RELN: variants seen among roughly 807,000 people sequenced by gnomAD.
The protein encoded by RELN is reelin.
RELN carries 108 observed loss-of-function variants against 427.6 expected under a neutral mutation model. That is an observed-to-expected ratio of 0.25 (90% CI 0.22 to 0.30). The LOEUF is 0.30. RELN is among the 10% of genes least tolerant of loss of function. RELN has a pLI of 1.00. For synonymous variants in RELN, 1,524 were observed against 1,513.4 expected, an observed-to-expected ratio of 1.01 and a Z score of -0.16; for missense variants, 3,715 against 4,302.8, an observed-to-expected ratio of 0.86 and a Z score of 3.82.
chr7:103,707,397 T>C (rs1834227601), intron 8 of RELN, among the ~76,000 whole-genome samples: 1 of 152,200 alleles, frequency 6.6e-6, no homozygotes, highest in Admixed American at 6.5e-5. Flanking sequence ...TGAAAAGTGT[T>C]AACCTGATAT....
At chr7:103,661,623 C>G in intron 11 of RELN, 96 bp from the exon 12 acceptor site, 1 of 1,080,350 alleles carries the variant, frequency 9.3e-7, no homozygotes, top group Non-Finnish European at 1.4e-6. Flanking sequence ...CACTTACTTA[C>G]TTAGTAATGA....
At chr7:103,903,417 C>T (rs1052327972) in intron 2 of RELN, among the ~76,000 whole-genome samples, 3 of 151,948 alleles carry the variant, frequency 2.0e-5, no homozygotes, top group African/African-American at 7.3e-5. Flanking sequence ...AGAAAGTATC[C>T]CATGTAATGA....
chr7:103,912,038 A>T (rs1002698964), intron 2 of RELN, among the ~76,000 whole-genome samples: 13 of 152,182 alleles, frequency 8.5e-5, no homozygotes, highest in African/African-American at 3.1e-4. Flanking sequence ...TATTTTAAAG[A>T]TAGTGTTGAA....
chr7:103,764,628 G>A lies in RELN; in HGVS notation c.545-11414C>T, dbSNP rs973189041. Reference sequence around the variant, plus strand: ...TGAGGCGAGTGGATCATGAGATCAAGAGATTGAGACCATCCTGGCCAACAT... The same window carrying A: ...TGAGGCGAGTGGATCATGAGATCAAAAGATTGAGACCATCCTGGCCAACAT... On this transcript the variant is annotated intron_variant, in intron 4 of 64. Coordinates refer to ENST00000428762, the MANE Select transcript of RELN (RefSeq NM_005045.4). Among the ~76,000 whole-genome samples the A allele has an allele frequency of 3.6e-4, 54 of 151,936 alleles. 1 individual carries two copies. Among genetic ancestry groups the A allele is most frequent in the African/African-American group, 1.2e-3 (51 of 41,356 alleles).
chr7:103,807,211 C>T (rs993909777), intron 3 of RELN, among the ~76,000 whole-genome samples: 4 of 152,076 alleles, frequency 2.6e-5, no homozygotes, highest in Non-Finnish European at 5.9e-5. Context: ...TAAAAGCATA[C>T]ACCCAAAGAG....
At chr7:103,622,015 C>T (rs780273442) in intron 20 of RELN, among the ~76,000 whole-genome samples, 1 of 151,884 alleles carries the variant, frequency 6.6e-6, no homozygotes, top group Non-Finnish European at 1.5e-5. Context: ...GACTCTGTCT[C>T]AAAAAAATAA....
intron 10 of RELN, among the ~76,000 whole-genome samples, chr7:103,686,677 A>G (rs1448468603): frequency 2.0e-5 from 3 of 152,174 alleles, no homozygotes; most frequent in Non-Finnish European, 4.4e-5. Context: ...GCCATTGGAA[A>G]TTGACTAATT....
At chr7:103,478,943 A>G (rs1314420365) in intron 63 of RELN, among the ~76,000 whole-genome samples, 1 of 152,230 alleles carries the variant, frequency 6.6e-6, no homozygotes, top group African/African-American at 2.4e-5. Flanking sequence ...GGGGATGGTC[A>G]CGATGGAACT....
chr7:103,511,327 A>C (rs1829406601), intron 50 of RELN, among the ~76,000 whole-genome samples: 1 of 152,338 alleles, frequency 6.6e-6, no homozygotes, highest in South Asian at 2.1e-4. Context: ...CTTTTTAGAT[A>C]GCATATAAAG....
intron 46 of RELN, among the ~76,000 whole-genome samples, chr7:103,534,062 G>C (rs1408397695): frequency 6.6e-6 from 1 of 152,190 alleles, no homozygotes; most frequent in Admixed American, 6.5e-5. Context: ...AGCAGCCCTA[G>C]GCTGTTACTA....
chr7:103,886,247 G>C (rs1035585536), intron 2 of RELN, among the ~76,000 whole-genome samples: 2 of 152,160 alleles, frequency 1.3e-5, no homozygotes, highest in Admixed American at 1.3e-4. Context: ...GTATACATGA[G>C]TTTAACCTTT....
intron 25 of RELN, among the ~76,000 whole-genome samples, chr7:103,595,917 T>C (rs968505828): frequency 2.6e-5 from 4 of 152,174 alleles, no homozygotes; most frequent in African/African-American, 9.6e-5. Flanking sequence ...TCAACAGTCA[T>C]TGCCTAAGAT....
intron 2 of RELN, among the ~76,000 whole-genome samples, chr7:103,872,030 A>ATTTTTT (rs1554434458): frequency 1.4e-4 from 19 of 138,414 alleles, no homozygotes; most frequent in African/African-American, 4.3e-4. Flanking sequence ...ATATATATAT[A>ATTTTTT]TTTTTCTTTT....
rs760230707 is a variant in RELN, at chr7:103,542,970, AG to A, written c.6524-93del. The A allele has an allele frequency of 0.054, 71,398 of 1,312,444 alleles. 2,940 individuals carry two copies. Among genetic ancestry groups the A allele is most frequent in the East Asian group, 0.2 (8,644 of 43,168 alleles). The allele number at this position is 1,312,444 out of a possible 1,614,324, so 81.3% of individuals were successfully genotyped here. On this transcript the variant is annotated intron_variant, in intron 42 of 64. Coordinates refer to ENST00000428762, the MANE Select transcript of RELN (RefSeq NM_005045.4). The stretch of plus-strand genomic sequence containing the variant: ...AAGGAGTATGGTAAATGCATTATGT[AG>A]TTTCAAAATATGAAGTCATAAATAT...
Position 103,523,307 on chromosome 7 carries a change from A to G in RELN, c.7490+84T>C, listed in dbSNP as rs1562870496. 2.0e-5 allele frequency: 30 copies of G among 1,514,310 alleles called. No homozygotes were observed. The Middle Eastern group carries it at 5.1e-4, about 26-fold the overall frequency. 93.8% of individuals were successfully genotyped at this position (1,514,310 alleles called of 1,614,324 possible). A position where few individuals can be genotyped will look rare whatever the true frequency, so the allele number is the denominator to read the frequency against. Reference sequence around the variant, plus strand: ...TATAACTTAAGGAAGCATGGGAGTGATTCAAAAACCAGTTACAGAAAAATC... The same window carrying G: ...TATAACTTAAGGAAGCATGGGAGTGGTTCAAAAACCAGTTACAGAAAAATC... On this transcript the variant is annotated intron_variant, in intron 47 of 64. Coordinates refer to ENST00000428762, the MANE Select transcript of RELN (RefSeq NM_005045.4).
At chr7:103,733,392 G>A (rs992966635) in intron 6 of RELN, among the ~76,000 whole-genome samples, 27 of 139,134 alleles carry the variant, frequency 1.9e-4, no homozygotes, top group African/African-American at 7.1e-4. Flanking sequence ...CGATTCCTCA[G>A]GGATCTAGAA....
chr7:103,742,764 G>A (rs1041424516), intron 6 of RELN, among the ~76,000 whole-genome samples: 1 of 152,202 alleles, frequency 6.6e-6, no homozygotes, highest in Non-Finnish European at 1.5e-5. Context: ...GGGACTATGT[G>A]AAAAGACCAA....
intron 16 of RELN, among the ~76,000 whole-genome samples, chr7:103,649,324 A>G (rs1832863596): frequency 6.6e-6 from 1 of 152,032 alleles, no homozygotes; most frequent in Non-Finnish European, 1.5e-5. Context: ...CCTAAGTGAT[A>G]TTACTTAGAA....
intron 2 of RELN, among the ~76,000 whole-genome samples, chr7:103,876,554 T>C (rs1794483346): frequency 6.6e-6 from 1 of 152,200 alleles, no homozygotes; most frequent in Non-Finnish European, 1.5e-5. Context: ...TCTATTGACA[T>C]TAGTAATACT....
Sources: gnomAD v4.1 joint callset for allele counts (sites outside exome capture counted in the v4.1 genomes callset) on GRCh38, gnomAD v4.1.1 for gene constraint, MANE v1.5 for transcripts, NCBI Gene and HGNC (gene_info 2026-07-23, HGNC 2026-07-21) for gene names.